The following RAPGEF4 variants were observed in gnomAD, a reference collection of about 807,000 sequenced individuals.
The protein encoded by RAPGEF4 is RAP guanine-nucleotide-exchange factor (GEF) 4.
A neutral mutation model predicts 147.9 loss-of-function variants in RAPGEF4; 66 were observed. The ratio of observed to expected loss-of-function variants is 0.45; its 90% CI spans 0.37 to 0.55. The LOEUF (loss-of-function observed/expected upper bound fraction) is 0.55. Among genes scored for constraint, RAPGEF4 ranks in the 20% least tolerant of loss-of-function variants. The pLI, the probability that RAPGEF4 is intolerant of heterozygous loss-of-function variation, is 0.00. For missense variants in RAPGEF4, 1,071 were observed against 1,257.3 expected, an observed-to-expected ratio of 0.85 and a Z score of 2.24; for synonymous variants, 419 against 442.7, an observed-to-expected ratio of 0.95 and a Z score of 0.67.
chr2:172,980,341 G>C (rs1467814790), intron 10 of RAPGEF4, among the ~76,000 whole-genome samples: 2 of 152,174 alleles, frequency 1.3e-5, no homozygotes, highest in African/African-American at 4.8e-5. Context: ...TGGAACTCAG[G>C]AAAGAGGGCT....
chr2:173,005,803 G>A lies in RAPGEF4; in HGVS notation c.1658+4459G>A, dbSNP rs148537424. On this transcript the variant is annotated intron_variant, in intron 17 of 30. Coordinates refer to ENST00000397081, the MANE Select transcript of RAPGEF4 (RefSeq NM_007023.4). ...CCCAAAGTGCTGGGATTACAGGCAT[G>A]AGCCACCATGCCTGGTATTTATTTC... Among the ~76,000 whole-genome samples the A allele has an allele frequency of 4.1e-3, 627 of 152,250 alleles. 4 individuals carry two copies. The highest frequency in any genetic ancestry group is 0.013 in the African/African-American group (549 of 41,560).
At chr2:172,926,037 G>A (rs189548108) in intron 6 of RAPGEF4, among the ~76,000 whole-genome samples, 1 of 25,870 alleles carries the variant, frequency 3.9e-5, no homozygotes, top group Non-Finnish European at 9.7e-5. Flanking sequence ...GAGGGACGGA[G>A]GGAGGGAGGG....
rs941760734 is a variant in RAPGEF4 at position 173,052,729 on chromosome 2, T to C, written c.*962T>C. On this transcript the variant is annotated 3_prime_UTR_variant, in exon 31 of 31. Transcript: ENST00000397081. ...TTTATTTGCTACATAATAGATACTGTGCCAAATAATTACTTTTTATTTATT... is the reference window on the plus strand; with the variant it reads ...TTTATTTGCTACATAATAGATACTGCGCCAAATAATTACTTTTTATTTATT... 3 of 152,662 alleles carry C rather than the reference T, an allele frequency of 2.0e-5. No homozygotes were observed. The highest frequency in any genetic ancestry group is 4.4e-5 in the Non-Finnish European group (3 of 68,030). 9.5% of individuals were successfully genotyped at this position (152,662 alleles called of 1,614,324 possible).
intron 4 of RAPGEF4, among the ~76,000 whole-genome samples, chr2:172,910,716 G>A (rs1381601469): frequency 1.3e-5 from 2 of 152,224 alleles, no homozygotes; most frequent in Admixed American, 1.3e-4. Flanking sequence ...TCCCCATGCA[G>A]CTTAGCTTCT....
chr2:173,011,166 G>GCACA (rs796705219), intron 17 of RAPGEF4, among the ~76,000 whole-genome samples: 17 of 72,100 alleles, frequency 2.4e-4, no homozygotes, highest in African/African-American at 7.8e-4. Context: ...TTCAGCGCGC[G>GCACA]CGCGCACACA....
intron 4 of RAPGEF4, 116 bp downstream of exon 4, chr2:172,814,541 G>A: frequency 1.6e-6 from 2 of 1,283,312 alleles, no homozygotes; most frequent in Non-Finnish European, 2.2e-6. Context: ...GCTGGTAGAT[G>A]GAATTTAATT....
chr2:173,043,943 T>G (rs1041481201), intron 29 of RAPGEF4, among the ~76,000 whole-genome samples: 6 of 152,102 alleles, frequency 3.9e-5, no homozygotes, highest in Non-Finnish European at 8.8e-5. Context: ...GACCCCTAAA[T>G]TGGGGCTCAG....
intron 4 of RAPGEF4, among the ~76,000 whole-genome samples, chr2:172,903,273 G>T (rs1398185347): frequency 1.3e-5 from 2 of 151,254 alleles, no homozygotes; most frequent in African/African-American, 4.9e-5. Context: ...GGAGGCTGAG[G>T]CAGGAGAACG....
chr2:173,048,622 G>A lies in RAPGEF4; in HGVS notation c.2876G>A (p.Arg959Lys). 1 of 1,614,054 alleles carries A rather than the reference G, an allele frequency of 6.2e-7. No homozygotes were observed. The highest frequency in any genetic ancestry group is 8.5e-7 in the Non-Finnish European group (1 of 1,180,000). ...EKMRMIANTA[R>K]TVRYYRSQPF... ...TAGCGCATGATTGCAAATACGGCCA[G>A]AACAGTGAGATACTACAGGAGCCAA... Residue 959 changes from arginine (R) to lysine (K), a missense_variant, in exon 30 of 31, where the codon AGA (arginine) becomes AAA (lysine). Arg to Lys is a conservative substitution (Grantham distance 26). Transcript: ENST00000397081.
rs1692696135 is a variant in RAPGEF4 at position 172,850,573 on chromosome 2, A to AT, written c.444+36149dup. Among the ~76,000 whole-genome samples the AT allele has an allele frequency of 3.3e-5, 5 of 152,124 alleles. No individual in the cohort carries two copies. The East Asian group carries it at 7.7e-4, about 24-fold the overall frequency. ...GCGGAGCTTGCAGTGAGCCAAGATC[A>AT]TGCCACTGCACTCCAGCCTGGGCCA... On this transcript the variant is annotated intron_variant, in intron 4 of 30. Transcript: ENST00000397081.
At chr2:172,976,057 T>C (rs2105591054) in intron 10 of RAPGEF4, among the ~76,000 whole-genome samples, 1 of 152,366 alleles carries the variant, frequency 6.6e-6, no homozygotes, top group East Asian at 1.9e-4. Context: ...TTCTCACAAG[T>C]ATTCATAAAG....
At chr2:173,038,038 A>G (rs547702115) in intron 29 of RAPGEF4, among the ~76,000 whole-genome samples, 1 of 152,266 alleles carries the variant, frequency 6.6e-6, no homozygotes, top group South Asian at 2.1e-4. Flanking sequence ...AAGTGCAGCT[A>G]TTGCTGGGCA....
At position 172,967,339 on chromosome 2, in the gene RAPGEF4, C is replaced by T; in HGVS notation, c.899C>T (p.Pro300Leu). 6.2e-7 allele frequency: 1 copy of T among 1,612,230 alleles called. No homozygotes were observed. The highest frequency in any genetic ancestry group is 8.5e-7 in the Non-Finnish European group (1 of 1,179,794). ...GATGAGCACGAGGATGCCCCTTTGC[C>T]TACTGAGGAGGAGAAGAAGGAGTGT... Reference protein sequence around the residue: ...LDDEHEDAPLPTEEEKKECDE... With the variant: ...LDDEHEDAPLLTEEEKKECDE... The change falls in exon 10 of 31, where the codon CCT (proline) becomes CTT (leucine). Residue 300 changes from proline (P) to leucine (L), a missense_variant. Pro to Leu is a moderately conservative substitution (Grantham distance 98). Coordinates refer to ENST00000397081, the MANE Select transcript of RAPGEF4 (RefSeq NM_007023.4).
At chr2:172,951,632 T>G (rs1688220261) in intron 6 of RAPGEF4, among the ~76,000 whole-genome samples, 1 of 151,494 alleles carries the variant, frequency 6.6e-6, no homozygotes, top group Admixed American at 6.6e-5. Flanking sequence ...CTGAAAGAAG[T>G]GAGGGTGTGA....
At chr2:172,736,212 A>G in intron 1 of RAPGEF4, 164 bp downstream of exon 1, 1 of 415,296 alleles carries the variant, frequency 2.4e-6, no homozygotes, top group Non-Finnish European at 4.0e-6. Flanking sequence ...ACAGGAGGAC[A>G]AGGATCCCCG....
intron 7 of RAPGEF4, 100 bp downstream of exon 7, chr2:172,960,913 T>C: frequency 9.7e-7 from 1 of 1,034,438 alleles, no homozygotes; most frequent in South Asian, 1.5e-5. Flanking sequence ...AAGCCTCTGA[T>C]ACATTTTCTA....
At chr2:172,891,674 C>T (rs961580631) in intron 4 of RAPGEF4, among the ~76,000 whole-genome samples, 2 of 152,120 alleles carry the variant, frequency 1.3e-5, no homozygotes, top group African/African-American at 4.8e-5. Context: ...GGGTGCCTGA[C>T]GTCCTTTTCA....
chr2:173,011,924 G>A (rs1248066817), intron 17 of RAPGEF4, among the ~76,000 whole-genome samples: 1 of 150,478 alleles, frequency 6.6e-6, no homozygotes, highest in Non-Finnish European at 1.5e-5. Flanking sequence ...GAGGCTAAGT[G>A]TTCACCACTC....
At chr2:172,761,103 C>CT (rs57509750) in intron 1 of RAPGEF4, among the ~76,000 whole-genome samples, 121,139 of 139,550 alleles carry the variant, frequency 0.87, 54,244 homozygotes, top group Non-Finnish European at 0.97. Flanking sequence ...ATTTTTCTTT[C>CT]TTTTTTTTTT....
Sources: allele counts gnomAD v4.1 joint callset (sites outside exome capture counted in the v4.1 genomes callset), GRCh38; gene constraint gnomAD v4.1.1; transcripts MANE v1.5; gene names NCBI Gene and HGNC (gene_info 2026-07-23, HGNC 2026-07-21).